TTC29: variants seen among roughly 807,000 people sequenced by gnomAD.
The protein encoded by TTC29 is tetratricopeptide repeat domain 29.
TTC29 carries 49 observed loss-of-function variants against 58.1 expected under a neutral mutation model. The ratio of observed to expected loss-of-function variants is 0.84; its 90% CI spans 0.67 to 1.07. The LOEUF (loss-of-function observed/expected upper bound fraction) is 1.07. Among genes scored for constraint, TTC29 ranks in the 50% least tolerant of loss-of-function variants. The pLI, the probability that TTC29 is intolerant of heterozygous loss-of-function variation, is 0.00. For missense variants in TTC29, 582 were observed against 555.6 expected (o/e 1.05, Z -0.48); for synonymous variants, 209 against 196.8 (o/e 1.06, Z -0.52).
intron 3 of TTC29, 28 bp downstream of exon 3, chr4:146,939,775 GA>G (rs1736188054): frequency 6.4e-7 from 1 of 1,570,062 alleles, no homozygotes; most frequent in South Asian, 1.2e-5. Flanking sequence ...CCTTCTGTAG[GA>G]AAATAAGTAA....
intron 4 of TTC29, among the ~76,000 whole-genome samples, chr4:146,936,465 T>A (rs1459372126): frequency 6.6e-6 from 1 of 152,156 alleles, no homozygotes; most frequent in Non-Finnish European, 1.5e-5. Context: ...AGTTGTACTA[T>A]AATACAATAT....
At chr4:146,731,772 T>C (rs923440243) in intron 11 of TTC29, among the ~76,000 whole-genome samples, 2 of 152,170 alleles carry the variant, frequency 1.3e-5, no homozygotes, top group Non-Finnish European at 2.9e-5. Context: ...AGGAATCCAT[T>C]TGTGCCAAAT....
chr4:146,861,564 A>G (rs949377660), intron 8 of TTC29, among the ~76,000 whole-genome samples: 4 of 152,186 alleles, frequency 2.6e-5, no homozygotes, highest in Non-Finnish European at 4.4e-5. Context: ...GCTGTATTCT[A>G]TCATTCAGTA....
At chr4:146,718,057 G>A (rs1267869500) in intron 11 of TTC29, among the ~76,000 whole-genome samples, 1 of 152,040 alleles carries the variant, frequency 6.6e-6, no homozygotes, top group East Asian at 1.9e-4. Context: ...TATTGCAAAT[G>A]ACAGGATTTA....
intron 11 of TTC29, among the ~76,000 whole-genome samples, chr4:146,788,334 T>C (rs1443979539): frequency 6.6e-6 from 1 of 152,226 alleles, no homozygotes; most frequent in East Asian, 1.9e-4. Context: ...CAGGCTTTGC[T>C]ATAGGGATAT....
chr4:146,938,839 G>T (rs373478223), intron 3 of TTC29, among the ~76,000 whole-genome samples: 3 of 152,106 alleles, frequency 2.0e-5, no homozygotes, highest in East Asian at 3.9e-4. Flanking sequence ...ATAAACCTAC[G>T]TATGCAAACT....
intron 11 of TTC29, among the ~76,000 whole-genome samples, chr4:146,748,480 A>G (rs1745716402): frequency 6.6e-6 from 1 of 152,202 alleles, no homozygotes; most frequent in Non-Finnish European, 1.5e-5. Flanking sequence ...CATGTCAGAA[A>G]CAATACCAAG....
intron 10 of TTC29, among the ~76,000 whole-genome samples, chr4:146,804,014 G>A (rs1279967027): frequency 6.6e-6 from 1 of 152,200 alleles, no homozygotes; most frequent in African/African-American, 2.4e-5. Flanking sequence ...AACACAGAAG[G>A]CAGGTGATTT....
In TTC29 at chr4:146,740,481, G is replaced by A. The variant is rs150582454; in HGVS notation, c.1331-32930C>T. ...AAGTTTTAGGGTACATGTGCACAAT[G>A]TGCAGGTTAGTTACATATGTATACA... On this transcript the variant is annotated intron_variant, in intron 11 of 12. Coordinates refer to ENST00000325106, the MANE Select transcript of TTC29 (RefSeq NM_031956.4). 4.0e-4 allele frequency among the ~76,000 whole-genome samples: 61 copies of A among 152,114 alleles called. No homozygotes were observed. The East Asian group carries it at 9.7e-3, about 24-fold the overall frequency.
intron 11 of TTC29, among the ~76,000 whole-genome samples, chr4:146,719,281 C>T (rs955274102): frequency 1.1e-4 from 17 of 151,054 alleles, no homozygotes; most frequent in Admixed American, 7.3e-4. Context: ...TGAAAAATGA[C>T]GTTAAATCTC....
At chr4:146,729,027 A>T (rs772062993) in intron 11 of TTC29, among the ~76,000 whole-genome samples, 1 of 151,546 alleles carries the variant, frequency 6.6e-6, no homozygotes, top group Non-Finnish European at 1.5e-5. Flanking sequence ...GGGATATATT[A>T]TAAATAGTTG....
At chr4:146,852,452 C>T (rs1291859712) in intron 8 of TTC29, among the ~76,000 whole-genome samples, 3 of 152,194 alleles carry the variant, frequency 2.0e-5, no homozygotes, top group African/African-American at 4.8e-5. Flanking sequence ...CACGGGCTGA[C>T]TAGTTAATGG....
chr4:146,739,796 G>T (rs1744991030), intron 11 of TTC29, among the ~76,000 whole-genome samples: 1 of 152,118 alleles, frequency 6.6e-6, no homozygotes, highest in South Asian at 2.1e-4. Context: ...TGTATAGATG[G>T]CGGTAATAGG....
Position 146,874,771 on chromosome 4 carries a change from T to G in TTC29, c.744A>C (p.Lys248Asn), listed in dbSNP as rs2150222537. The change falls in exon 7 of 13, where the codon AAA becomes AAC. Residue 248 changes from lysine (K) to asparagine (N), a missense_variant. Physicochemically the swap from Lys to Asn is moderately conservative, Grantham distance 94. Coordinates refer to ENST00000325106, the MANE Select transcript of TTC29 (RefSeq NM_031956.4). ...RLLSDKMLEN[K>N]EYKQAIKILI... ...GAATTTTGATGGCCTGTTTGTATTC[T>G]TTATTTTCTAGCATTTTGTCTGAGA... 6.2e-7 allele frequency: 1 copy of G among 1,610,250 alleles called. No individual in the cohort carries two copies. The highest frequency in any genetic ancestry group is 8.5e-7 in the Non-Finnish European group (1 of 1,178,462).
chr4:146,814,598 C>T (rs956864753), intron 10 of TTC29, among the ~76,000 whole-genome samples: 15 of 151,642 alleles, frequency 9.9e-5, no homozygotes, highest in African/African-American at 2.4e-4. Context: ...TGGTGGCGCA[C>T]GCCTGTAGTC....
chr4:146,841,994 G>A (rs1728880104), intron 8 of TTC29, among the ~76,000 whole-genome samples: 1 of 152,072 alleles, frequency 6.6e-6, no homozygotes, highest in African/African-American at 2.4e-5. Context: ...GTTCTCAAAT[G>A]GGGGTTATTT....
chr4:146,727,296 C>T (rs1743865509), intron 11 of TTC29, among the ~76,000 whole-genome samples: 1 of 152,144 alleles, frequency 6.6e-6, no homozygotes, highest in Admixed American at 6.5e-5. Context: ...CCCACTTTGA[C>T]ATCTGGCACG....
chr4:146,774,644 G>A (rs909968067), intron 11 of TTC29, among the ~76,000 whole-genome samples: 3 of 152,028 alleles, frequency 2.0e-5, no homozygotes, highest in African/African-American at 4.8e-5. Context: ...CCTGTTGTGC[G>A]GTAGATTTTA....
At chr4:146,792,467 T>C (rs1186317178) in intron 11 of TTC29, among the ~76,000 whole-genome samples, 1 of 152,158 alleles carries the variant, frequency 6.6e-6, no homozygotes, top group African/African-American at 2.4e-5. Flanking sequence ...TCTCAAAGTA[T>C]TACTGCTCAT....
Sources: allele counts gnomAD v4.1 joint callset (sites outside exome capture counted in the v4.1 genomes callset), GRCh38; gene constraint gnomAD v4.1.1; transcripts MANE v1.5; gene names NCBI Gene and HGNC (gene_info 2026-07-23, HGNC 2026-07-21).